The following NCAM2 variants were observed in gnomAD, a reference collection of about 807,000 sequenced individuals.
NCAM2 encodes the protein neural cell adhesion molecule 2.
A neutral mutation model predicts 98.1 loss-of-function variants in NCAM2; 30 were observed. The ratio of observed to expected loss-of-function variants is 0.31; its 90% CI spans 0.23 to 0.41. The LOEUF (loss-of-function observed/expected upper bound fraction) is 0.41, where lower values mean the gene tolerates loss of function less well. NCAM2 is among the 10% of genes least tolerant of loss of function. The pLI is 1.00. For missense variants in NCAM2, 867 were observed against 1,005.8 expected (o/e 0.86, Z 1.87); for synonymous variants, 368 against 342.4 (o/e 1.07, Z -0.83).
chr21:21,510,734 A>C (rs1475722325), intron 16 of NCAM2, among the ~76,000 whole-genome samples: 1 of 102,626 alleles, frequency 9.7e-6, no homozygotes, highest in Non-Finnish European at 1.9e-5. Context: ...AATATATATC[A>C]TTTTTTACAT....
At chr21:21,239,012 GAA>G (rs1253726632) in intron 1 of NCAM2, among the ~76,000 whole-genome samples, 1 of 151,948 alleles carries the variant, frequency 6.6e-6, no homozygotes, top group African/African-American at 2.4e-5. Flanking sequence ...CTTCAGATAA[GAA>G]TATTTCAAAA....
intron 5 of NCAM2, among the ~76,000 whole-genome samples, chr21:21,320,806 A>G (rs1365563034): frequency 6.6e-6 from 1 of 152,202 alleles, no homozygotes. Context: ...AAATGAGGGT[A>G]CTTCATTTGT....
At chr21:21,172,988 C>T (rs568320392) in intron 1 of NCAM2, among the ~76,000 whole-genome samples, 58 of 152,134 alleles carry the variant, frequency 3.8e-4, no homozygotes, top group African/African-American at 1.3e-3. Flanking sequence ...ATTTATGAGA[C>T]TCAATAAGGG....
intron 12 of NCAM2, among the ~76,000 whole-genome samples, chr21:21,460,866 T>G (rs9976857): frequency 6.6e-6 from 1 of 151,740 alleles, no homozygotes; most frequent in Non-Finnish European, 1.5e-5. Flanking sequence ...GGTTAGAGTT[T>G]CCGTCAGCAC....
At chr21:21,397,297 G>C (rs532680461) in intron 9 of NCAM2, among the ~76,000 whole-genome samples, 2 of 152,270 alleles carry the variant, frequency 1.3e-5, no homozygotes, top group South Asian at 4.1e-4. Context: ...TTGGCTTGAA[G>C]GTGGACCCTC....
intron 16 of NCAM2, among the ~76,000 whole-genome samples, chr21:21,518,250 T>C (rs985894810): frequency 1.3e-5 from 2 of 152,196 alleles, no homozygotes; most frequent in Admixed American, 1.3e-4. Flanking sequence ...ATGTATGTTC[T>C]GTAAGGGATA....
At chr21:21,084,216 A>G (rs1284943319) in intron 1 of NCAM2, among the ~76,000 whole-genome samples, 1 of 151,998 alleles carries the variant, frequency 6.6e-6, no homozygotes, top group Non-Finnish European at 1.5e-5. Flanking sequence ...TGCCTTCATG[A>G]CCTAATAACC....
chr21:21,118,348 G>T (rs1013272861), intron 1 of NCAM2, among the ~76,000 whole-genome samples: 3 of 152,108 alleles, frequency 2.0e-5, no homozygotes, highest in African/African-American at 7.2e-5. Flanking sequence ...GGCAGGCTAT[G>T]ATTAAATCTC....
At chr21:21,522,574 C>T (rs1269257643) in intron 16 of NCAM2, among the ~76,000 whole-genome samples, 1 of 150,718 alleles carries the variant, frequency 6.6e-6, no homozygotes, top group African/African-American at 2.4e-5. Flanking sequence ...GTATTTTTTG[C>T]CAATAGATCT....
intron 9 of NCAM2, among the ~76,000 whole-genome samples, chr21:21,392,623 C>T (rs1455299420): frequency 2.6e-5 from 4 of 152,096 alleles, no homozygotes; most frequent in Non-Finnish European, 5.9e-5. Context: ...TTGTTTTTGA[C>T]TTTTTAATAA....
intron 8 of NCAM2, among the ~76,000 whole-genome samples, chr21:21,352,828 A>T (rs958773984): frequency 5.8e-5 from 4 of 69,080 alleles, no homozygotes; most frequent in Admixed American, 3.3e-4. Flanking sequence ...TAGAAAATTA[A>T]AAAAAAAAAA....
rs186926086 is a variant in NCAM2 at position 21,013,610 on chromosome 21, C to T, written c.55+14992C>T. ...CAGCCTGACCAACATGGTGAAACCC[C>T]GCCTCTACTAAAAATACAAAATTAG... On this transcript the variant is annotated intron_variant, in intron 1 of 17. Transcript: ENST00000400546. 1.7e-3 allele frequency among the ~76,000 whole-genome samples: 262 copies of T among 152,084 alleles called. 2 individuals carry two copies. Among genetic ancestry groups the T allele is most frequent in the African/African-American group, 5.6e-3 (234 of 41,486 alleles).
chr21:21,456,968 T>A (rs1210349701), intron 12 of NCAM2, among the ~76,000 whole-genome samples: 1 of 152,172 alleles, frequency 6.6e-6, no homozygotes, highest in African/African-American at 2.4e-5. Flanking sequence ...TATAAGCCAC[T>A]TAGTCTAAGA....
intron 1 of NCAM2, among the ~76,000 whole-genome samples, chr21:21,082,108 G>A (rs1444913273): frequency 4.0e-5 from 6 of 150,192 alleles, no homozygotes; most frequent in South Asian, 2.1e-4. Flanking sequence ...GGCGCATGTA[G>A]TCCCAACTAC....
rs550394261 is a variant in NCAM2, at chr21:21,264,654, C to CATAT, written c.56-15914_56-15911dup. 2.7e-5 allele frequency among the ~76,000 whole-genome samples: 4 copies of CATAT among 147,970 alleles called. No individual in the cohort carries two copies. In the East Asian group the frequency reaches 6.0e-4, roughly 22 times the overall value. Reference sequence around the variant, plus strand: ...TGTGATGTGTATGTATGTGTGTGTGCATATATATATATACACACACACACA... The same window carrying CATAT: ...TGTGATGTGTATGTATGTGTGTGTGCATATATATATATATATACACACACACACA... On this transcript the variant is annotated intron_variant, in intron 1 of 17. Coordinates refer to ENST00000400546, the MANE Select transcript of NCAM2 (RefSeq NM_004540.5).
intron 1 of NCAM2, among the ~76,000 whole-genome samples, chr21:21,237,949 C>CTTTTTTTTTTTTTT (rs71195313): frequency 8.7e-6 from 1 of 114,474 alleles, no homozygotes; most frequent in Non-Finnish European, 1.7e-5. Context: ...CATTGTAATT[C>CTTTTTTTTTTTTTT]TTTTTTTTTT....
chr21:21,267,351 A>G (rs1301725582), intron 1 of NCAM2, among the ~76,000 whole-genome samples: 9 of 152,058 alleles, frequency 5.9e-5, no homozygotes, highest in African/African-American at 1.7e-4. Flanking sequence ...TTATAAGAAT[A>G]AAACTTTAAA....
intron 15 of NCAM2, among the ~76,000 whole-genome samples, chr21:21,494,414 A>G (rs1229209872): frequency 6.6e-6 from 1 of 151,958 alleles, no homozygotes; most frequent in African/African-American, 2.4e-5. Flanking sequence ...TAAACAAAGA[A>G]CTAAAAATAA....
At chr21:21,282,254 ATTG>A (rs1361137189) in intron 2 of NCAM2, among the ~76,000 whole-genome samples, 1 of 151,884 alleles carries the variant, frequency 6.6e-6, no homozygotes, top group Non-Finnish European at 1.5e-5. Flanking sequence ...ATACAATGAA[ATTG>A]TTGTACTTTT....
Sources: gnomAD v4.1 joint callset for allele counts (sites outside exome capture counted in the v4.1 genomes callset) on GRCh38, gnomAD v4.1.1 for gene constraint, MANE v1.5 for transcripts, NCBI Gene and HGNC (gene_info 2026-07-23, HGNC 2026-07-21) for gene names.